NOS1AP: variants seen among roughly 807,000 people sequenced by gnomAD.
NOS1AP encodes the protein nitric oxide synthase 1 adaptor protein.
In NOS1AP, 21 loss-of-function variants were observed where a neutral mutation model predicts 56.2. The observed-to-expected ratio is 0.37, with a 90% CI of 0.26 to 0.54. The LOEUF is 0.54. Among genes scored for constraint, NOS1AP ranks in the 20% least tolerant of loss-of-function variants. The pLI, the probability that NOS1AP is intolerant of heterozygous loss-of-function variation, is 0.84. For missense variants in NOS1AP, 522 were observed against 657.8 expected (o/e 0.79, Z 2.26); for synonymous variants, 270 against 274.6 (o/e 0.98, Z 0.17).
At chr1:162,102,291 G>T (rs10918680) in intron 1 of NOS1AP, among the ~76,000 whole-genome samples, 77,152 of 152,136 alleles carry the variant, frequency 0.51, 21,738 homozygotes, top group Non-Finnish European at 0.64. Context: ...ATCCCAGGGA[G>T]GAAGCCAGCT....
chr1:162,182,743 C>T (rs559559169), intron 2 of NOS1AP, among the ~76,000 whole-genome samples: 1 of 152,320 alleles, frequency 6.6e-6, no homozygotes, highest in Admixed American at 6.5e-5. Context: ...TAAGAAGCAA[C>T]TCCTCATTCA....
intron 1 of NOS1AP, among the ~76,000 whole-genome samples, chr1:162,140,155 C>T (rs1649176826): frequency 6.6e-6 from 1 of 152,172 alleles, no homozygotes; most frequent in South Asian, 2.1e-4. Flanking sequence ...TTTTCTAAAG[C>T]ATTTCTCTGT....
intron 2 of NOS1AP, among the ~76,000 whole-genome samples, chr1:162,187,459 A>T (rs558437317): frequency 6.6e-6 from 1 of 152,198 alleles, no homozygotes; most frequent in Non-Finnish European, 1.5e-5. Context: ...AGCTGTCAAC[A>T]TCTTTGTAGT....
chr1:162,360,654 G>A, intron 8 of NOS1AP: 1 of 364,942 alleles, frequency 2.7e-6, no homozygotes, highest in Non-Finnish European at 5.5e-6. Flanking sequence ...GTAGTTAGAG[G>A]AACAGTGCTA....
chr1:162,359,228 A>G (rs1657805707), intron 8 of NOS1AP, among the ~76,000 whole-genome samples: 1 of 152,118 alleles, frequency 6.6e-6, no homozygotes, highest in South Asian at 2.1e-4. Context: ...CTTGACTCTC[A>G]ATACAAGCAG....
At chr1:162,173,165 AC>A (rs1650882819) in intron 2 of NOS1AP, among the ~76,000 whole-genome samples, 1 of 152,126 alleles carries the variant, frequency 6.6e-6, no homozygotes, top group African/African-American at 2.4e-5. Context: ...AAGCGCAATT[AC>A]TTTTGCACCC....
At chr1:162,128,739 A>T (rs1028725779) in intron 1 of NOS1AP, among the ~76,000 whole-genome samples, 2 of 151,866 alleles carry the variant, frequency 1.3e-5, no homozygotes, top group African/African-American at 4.8e-5. Context: ...TTGTTAGCCT[A>T]TGAATTCTAC....
At chr1:162,080,713 CTTAA>C (rs1343992660) in intron 1 of NOS1AP, among the ~76,000 whole-genome samples, 3 of 152,192 alleles carry the variant, frequency 2.0e-5, no homozygotes, top group African/African-American at 7.2e-5. Context: ...TGCTTGTCTC[CTTAA>C]TTAGGCTACA....
intron 1 of NOS1AP, among the ~76,000 whole-genome samples, chr1:162,073,699 G>C (rs1479446151): frequency 6.6e-6 from 1 of 152,204 alleles, no homozygotes; most frequent in East Asian, 1.9e-4. Context: ...GACTTCAGGT[G>C]ATCTGCCTGC....
intron 2 of NOS1AP, among the ~76,000 whole-genome samples, chr1:162,167,580 G>A (rs969597814): frequency 8.5e-5 from 13 of 152,236 alleles, no homozygotes; most frequent in Non-Finnish European, 1.2e-4. Context: ...GGAGGTGCCT[G>A]TGCAGCCCAT....
intron 4 of NOS1AP, among the ~76,000 whole-genome samples, chr1:162,329,385 A>AG (rs1656694870): frequency 5.9e-5 from 8 of 135,620 alleles, no homozygotes; most frequent in South Asian, 5.0e-4. Context: ...GAGAGAGAGA[A>AG]AAGAAATTTA....
At chr1:162,090,069 A>G (rs1412037342) in intron 1 of NOS1AP, among the ~76,000 whole-genome samples, 2 of 152,104 alleles carry the variant, frequency 1.3e-5, no homozygotes, top group East Asian at 3.8e-4. Flanking sequence ...CAAAACTTAC[A>G]TTCTTGTTTC....
At chr1:162,247,878 T>C (rs754414890) in intron 2 of NOS1AP, among the ~76,000 whole-genome samples, 5 of 152,194 alleles carry the variant, frequency 3.3e-5, no homozygotes, top group Non-Finnish European at 7.3e-5. Context: ...TGAGGACATA[T>C]ATTCTATGTT....
At chr1:162,123,406 A>G (rs1456630911) in intron 1 of NOS1AP, among the ~76,000 whole-genome samples, 2 of 152,152 alleles carry the variant, frequency 1.3e-5, no homozygotes, top group Non-Finnish European at 2.9e-5. Context: ...TTCTGACCTC[A>G]AGTGATCCAC....
At chr1:162,304,761 TACATGTGA>T (rs1457292515) in intron 4 of NOS1AP, among the ~76,000 whole-genome samples, 1 of 148,882 alleles carries the variant, frequency 6.7e-6, no homozygotes, top group African/African-American at 2.5e-5. Flanking sequence ...TTGGTCTGTG[TACATGTGA>T]ATTTTTATAT....
At chr1:162,071,301 C>T (rs1265350545) in intron 1 of NOS1AP, among the ~76,000 whole-genome samples, 1 of 152,104 alleles carries the variant, frequency 6.6e-6, no homozygotes, top group Non-Finnish European at 1.5e-5. Flanking sequence ...TTGGATGTGG[C>T]GACAGTTTGA....
intron 1 of NOS1AP, among the ~76,000 whole-genome samples, chr1:162,132,004 A>G (rs915205658): frequency 1.3e-5 from 2 of 152,230 alleles, no homozygotes; most frequent in Non-Finnish European, 2.9e-5. Context: ...TGAAACTGTA[A>G]ACTGCACAGT....
At position 162,319,126 on chromosome 1, in the gene NOS1AP, T is replaced by A. The variant is rs145475002; in HGVS notation, c.345-13891T>A. On this transcript the variant is annotated intron_variant, in intron 4 of 9. Coordinates refer to ENST00000361897, the MANE Select transcript of NOS1AP (RefSeq NM_014697.3). The stretch of plus-strand genomic sequence containing the variant: ...GCCCTGAGCCCAGGTGCCCTGCACT[T>A]ATTTCCCAAACTGTAATTCTCACAA... 1.4e-3 allele frequency among the ~76,000 whole-genome samples: 209 copies of A among 152,090 alleles called. 3 individuals carry two copies. The highest frequency in any genetic ancestry group is 4.6e-3 in the African/African-American group (191 of 41,490).
chr1:162,251,857 G>GTT lies in NOS1AP; in HGVS notation c.178-35477_178-35476dup, dbSNP rs771192069. ...CATGCACCACAACACCTAGCTAGTT[G>GTT]TTTTTTTTTTTGTTTTTTTTTTTTT... On this transcript the variant is annotated intron_variant, in intron 2 of 9. Coordinates refer to ENST00000361897, the MANE Select transcript of NOS1AP (RefSeq NM_014697.3). Among the ~76,000 whole-genome samples, 391 of 100,388 alleles carry GTT rather than the reference G, an allele frequency of 3.9e-3. 4 individuals are homozygous for GTT. Among genetic ancestry groups the GTT allele is most frequent in the Non-Finnish European group, 5.6e-3 (306 of 54,434 alleles). The allele number at this position is 100,388 out of a possible 152,430, so 65.9% of individuals were successfully genotyped here.
Sources: gnomAD v4.1 joint callset for allele counts (sites outside exome capture counted in the v4.1 genomes callset) on GRCh38, gnomAD v4.1.1 for gene constraint, MANE v1.5 for transcripts, NCBI Gene and HGNC (gene_info 2026-07-23, HGNC 2026-07-21) for gene names.